The following DENND1A variants were observed in gnomAD, a reference collection of about 807,000 sequenced individuals.
DENND1A encodes DENN domain containing 1A.
Under a neutral mutation model 113.7 loss-of-function variants are expected in DENND1A, and 51 were observed. The ratio of observed to expected loss-of-function variants is 0.45; its 90% CI spans 0.36 to 0.57. The LOEUF (loss-of-function observed/expected upper bound fraction) is 0.57, where lower values mean the gene tolerates loss of function less well. Among genes scored for constraint, DENND1A ranks in the 20% least tolerant of loss-of-function variants. The pLI is 0.00. For synonymous variants in DENND1A, 565 were observed against 570.8 expected, an observed-to-expected ratio of 0.99 and a Z score of 0.14; for missense variants, 1,258 against 1,395.9, an observed-to-expected ratio of 0.90 and a Z score of 1.57.
chr9:123,399,101 C>T (rs2043296074), intron 21 of DENND1A, among the ~76,000 whole-genome samples: 3 of 152,090 alleles, frequency 2.0e-5, no homozygotes, highest in Admixed American at 2.0e-4. Flanking sequence ...CGGCCGTGGC[C>T]TGCTTTTAAT....
chr9:123,578,636 C>T (rs939708947), intron 12 of DENND1A, among the ~76,000 whole-genome samples: 4 of 152,218 alleles, frequency 2.6e-5, no homozygotes, highest in African/African-American at 9.7e-5. Context: ...TGCCTTCCAT[C>T]CTTCCATCTA....
At chr9:123,705,942 G>T (rs1176126635) in intron 5 of DENND1A, among the ~76,000 whole-genome samples, 1 of 152,136 alleles carries the variant, frequency 6.6e-6, no homozygotes, top group Non-Finnish European at 1.5e-5. Flanking sequence ...ATCCTTGGGA[G>T]AACTGAGAAA....
chr9:123,408,677 G>T (rs1358130644), intron 20 of DENND1A, among the ~76,000 whole-genome samples: 1 of 152,144 alleles, frequency 6.6e-6, no homozygotes, highest in African/African-American at 2.4e-5. Flanking sequence ...CAAAGCTAGC[G>T]CCAGGCTAGT....
At chr9:123,494,580 C>T (rs998326161) in intron 13 of DENND1A, among the ~76,000 whole-genome samples, 12 of 152,186 alleles carry the variant, frequency 7.9e-5, no homozygotes, top group Admixed American at 3.9e-4. Flanking sequence ...GCTAAGAATA[C>T]GATTTCCTTC....
intron 2 of DENND1A, among the ~76,000 whole-genome samples, chr9:123,860,070 A>T (rs1435152212): frequency 2.0e-5 from 3 of 152,196 alleles, no homozygotes; most frequent in Non-Finnish European, 1.5e-5. Flanking sequence ...AGGCCATGGT[A>T]ATCAGCTAGG....
intron 5 of DENND1A, among the ~76,000 whole-genome samples, chr9:123,706,777 A>G (rs2066239668): frequency 6.7e-6 from 1 of 150,304 alleles, no homozygotes; most frequent in African/African-American, 2.4e-5. Context: ...TCTCAAAAAA[A>G]AAAAAAAAAA....
Position 123,647,905 on chromosome 9 carries a change from G to T in DENND1A, c.618+4108C>A, listed in dbSNP as rs2062425751. Among the ~76,000 whole-genome samples the T allele has an allele frequency of 3.9e-5, 6 of 152,182 alleles. No homozygotes were observed. The South Asian group carries it at 1.2e-3, about 32-fold the overall frequency. ...TACCATACATGACCAAGGGGTGTGT[G>T]TATACCCACAAAATTCCACCTAGGA... is the stretch of plus-strand genomic sequence containing the variant. On this transcript the variant is annotated intron_variant, in intron 9 of 23. Transcript: ENST00000394215.
chr9:123,701,090 G>A (rs1464311422), intron 5 of DENND1A, among the ~76,000 whole-genome samples: 2 of 152,116 alleles, frequency 1.3e-5, no homozygotes, highest in Non-Finnish European at 2.9e-5. Flanking sequence ...CCTACAAAAT[G>A]TCTATAAGAC....
chr9:123,573,554 A>G (rs1446720105), intron 12 of DENND1A, among the ~76,000 whole-genome samples: 1 of 152,030 alleles, frequency 6.6e-6, no homozygotes, highest in East Asian at 1.9e-4. Context: ...TGTGTTTTGT[A>G]TGCTATTTTA....
At chr9:123,925,258 C>G (rs1011496533) in intron 1 of DENND1A, among the ~76,000 whole-genome samples, 13 of 152,102 alleles carry the variant, frequency 8.5e-5, no homozygotes, top group African/African-American at 2.4e-4. Flanking sequence ...GTACTGCTCC[C>G]TCTGCTGATA....
At chr9:123,621,158 T>C (rs1297730919) in intron 10 of DENND1A, among the ~76,000 whole-genome samples, 1 of 147,128 alleles carries the variant, frequency 6.8e-6, no homozygotes, top group African/African-American at 2.5e-5. Flanking sequence ...ATTTAGTTGA[T>C]GCAAAAAAAA....
chr9:123,713,626 T>TA (rs2066777157), intron 5 of DENND1A, among the ~76,000 whole-genome samples: 1 of 152,048 alleles, frequency 6.6e-6, no homozygotes, highest in Non-Finnish European at 1.5e-5. Context: ...ATGATGGCAC[T>TA]GAAACCTACA....
chr9:123,639,669 C>T (rs1288648590), intron 9 of DENND1A, among the ~76,000 whole-genome samples: 4 of 148,692 alleles, frequency 2.7e-5, no homozygotes, highest in East Asian at 2.1e-4. Flanking sequence ...CTCGGCTACT[C>T]GGGAGGCTGA....
intron 14 of DENND1A, 99 bp downstream of exon 14, chr9:123,457,694 A>G (rs2048233131): frequency 8.5e-7 from 1 of 1,176,212 alleles, no homozygotes; most frequent in South Asian, 1.5e-5. Flanking sequence ...CTGGGGCCTG[A>G]GTCCCATCCA....
chr9:123,778,892 G>A (rs750491756), intron 3 of DENND1A, among the ~76,000 whole-genome samples: 9 of 152,238 alleles, frequency 5.9e-5, no homozygotes, highest in Non-Finnish European at 1.3e-4. Context: ...GTAATTCAAC[G>A]ATTCAAATGT....
At chr9:123,414,004 T>C (rs1588410624) in intron 19 of DENND1A, 1 of 989,286 alleles carries the variant, frequency 1.0e-6, no homozygotes, top group Admixed American at 5.8e-5. Flanking sequence ...GGGGGAACCA[T>C]CTTCTCCAGC....
At chr9:123,507,825 AAAATAAAT>A (rs35086659) in intron 13 of DENND1A, among the ~76,000 whole-genome samples, 16 of 148,850 alleles carry the variant, frequency 1.1e-4, no homozygotes, top group East Asian at 3.9e-4. Flanking sequence ...AACCTATCTC[AAAATAAAT>A]AAATAAATAA....
At chr9:123,485,654 G>GTA (rs2050776803) in intron 13 of DENND1A, 43 of 44,214 alleles carry the variant, frequency 9.7e-4, no homozygotes, top group Admixed American at 5.9e-3. Flanking sequence ...ACGCGCGCGC[G>GTA]CGCACACACA....
At chr9:123,924,411 G>A (rs1856750561) in intron 1 of DENND1A, among the ~76,000 whole-genome samples, 1 of 152,180 alleles carries the variant, frequency 6.6e-6, no homozygotes, top group African/African-American at 2.4e-5. Flanking sequence ...GCTCATGCCT[G>A]TAATCCCAGC....
Sources: allele counts gnomAD v4.1 joint callset (sites outside exome capture counted in the v4.1 genomes callset), GRCh38; gene constraint gnomAD v4.1.1; transcripts MANE v1.5; gene names NCBI Gene and HGNC (gene_info 2026-07-23, HGNC 2026-07-21).